Variants in CEP55 observed in about 807,000 individuals in gnomAD.
CEP55 encodes centrosomal protein of 55 kDa.
In CEP55, 57 loss-of-function variants were observed where a neutral mutation model predicts 63.2. The ratio of observed to expected loss-of-function variants is 0.90; its 90% CI spans 0.73 to 1.13. CEP55 has a LOEUF of 1.13. Among genes scored for constraint, CEP55 ranks in the 50% most tolerant of loss-of-function variants. The pLI is 0.00. For missense variants in CEP55, 456 were observed against 518.9 expected (o/e 0.88, Z 1.18); for synonymous variants, 178 against 191.6 (o/e 0.93, Z 0.59).
Position 93,503,199 on chromosome 10 carries a change from A to C in CEP55, c.270A>C (p.Gln90His). 1 of 1,614,056 alleles carries C rather than the reference A, an allele frequency of 6.2e-7. No individual in the cohort carries two copies. The highest frequency in any genetic ancestry group is 8.5e-7 in the Non-Finnish European group (1 of 1,179,910). The change falls in exon 3 of 9, where the codon CAA (glutamine) becomes CAC (histidine). Residue 90 changes from glutamine (Q) to histidine (H), a missense_variant. Coordinates refer to ENST00000371485, the MANE Select transcript of CEP55 (RefSeq NM_018131.5). ...KDKEIQRLRD[Q>H]LKARYSTTTL... The stretch of plus-strand genomic sequence containing the variant: ...AAGAAATACAGCGACTGAGAGACCA[A>C]CTGAAGGCCAGATATAGTACTACCA...
chr10:93,503,184 G>A lies in CEP55; in HGVS notation c.255G>A (p.Gln85=). The change falls in exon 3 of 9, where the codon CAG becomes CAA. Residue 85 remains glutamine, a synonymous_variant. Transcript: ENST00000371485. ...YQLTEKDKEI[Q]RLRDQLKARY... is the part of the protein sequence containing the mutation. Reference sequence around the variant, plus strand: ...TCACAGAGAAGGACAAAGAAATACAGCGACTGAGAGACCAACTGAAGGCCA... The same window carrying A: ...TCACAGAGAAGGACAAAGAAATACAACGACTGAGAGACCAACTGAAGGCCA... 1 of 1,614,090 alleles carries A rather than the reference G, an allele frequency of 6.2e-7. No homozygotes were observed. Among genetic ancestry groups the A allele is most frequent in the Middle Eastern group, 1.6e-4 (1 of 6,062 alleles).
chr10:93,503,814 A>G (rs897458626), intron 3 of CEP55, among the ~76,000 whole-genome samples: 1 of 152,172 alleles, frequency 6.6e-6, no homozygotes, highest in Non-Finnish European at 1.5e-5. Flanking sequence ...TTTGAGAGGC[A>G]CTAGCGTCAT....
intron 6 of CEP55, 123 bp from the exon 7 acceptor site, chr10:93,518,754 C>T (rs1422049930): frequency 3.2e-6 from 2 of 620,468 alleles, no homozygotes; most frequent in South Asian, 2.2e-5. Context: ...AATGATTCAC[C>T]CCTGACTAGC....
rs931866303 is a variant in CEP55, at chr10:93,528,809, A to G, written c.*656A>G. ...AATGTTTTCTCTTATGTTATCTGGC[A>G]GTAACTGTAACTTGAATTACATTAG... On this transcript the variant is annotated 3_prime_UTR_variant, in exon 9 of 9. Transcript: ENST00000371485. 4 of 152,250 alleles carry G rather than the reference A, an allele frequency of 2.6e-5. No homozygotes were observed. The highest frequency in any genetic ancestry group is 9.7e-5 in the African/African-American group (4 of 41,442). 9.4% of individuals were successfully genotyped at this position (152,250 alleles called of 1,614,324 possible). A position where few individuals can be genotyped will look rare whatever the true frequency, so the allele number is the denominator to read the frequency against.
chr10:93,509,437 G>A (rs925404553), intron 4 of CEP55, among the ~76,000 whole-genome samples: 4 of 151,166 alleles, frequency 2.6e-5, no homozygotes, highest in Non-Finnish European at 5.9e-5. Flanking sequence ...TGCTGCTGCT[G>A]GCCCTTGGAC....
At chr10:93,511,002 G>A (rs928234157) in intron 4 of CEP55, among the ~76,000 whole-genome samples, 4 of 146,532 alleles carry the variant, frequency 2.7e-5, no homozygotes, top group Non-Finnish European at 4.5e-5. Flanking sequence ...GCAGTGGCAC[G>A]GTCTCAGCTC....
Position 93,503,162 on chromosome 10 carries a change from C to CT in CEP55, c.233_234insT (p.Glu79ArgfsTer18). 1 of 1,613,966 alleles carries CT rather than the reference C, an allele frequency of 6.2e-7. No individual in the cohort carries two copies. The highest frequency in any genetic ancestry group is 8.5e-7 in the Non-Finnish European group (1 of 1,179,970). On this transcript the variant is annotated frameshift_variant, in exon 3 of 9. Coordinates refer to ENST00000371485, the MANE Select transcript of CEP55 (RefSeq NM_018131.5). LOFTEE classifies it high-confidence loss of function. Reference sequence around the variant, plus strand: ...AAGGAGAAGAATGCTTATCAACTCACAGAGAAGGACAAAGAAATACAGCGA... The same window carrying CT: ...AAGGAGAAGAATGCTTATCAACTCACTAGAGAAGGACAAAGAAATACAGCGA...
chr10:93,514,123 G>C (rs2057778638), intron 4 of CEP55, among the ~76,000 whole-genome samples: 1 of 152,034 alleles, frequency 6.6e-6, no homozygotes, highest in Non-Finnish European at 1.5e-5. Flanking sequence ...AATAGAGACA[G>C]GGTTTTGCCA....
chr10:93,523,796 C>G (rs530887528), intron 8 of CEP55, among the ~76,000 whole-genome samples: 1 of 152,080 alleles, frequency 6.6e-6, no homozygotes, highest in African/African-American at 2.4e-5. Context: ...CACTCAAAAC[C>G]GCTCAACTAC....
intron 4 of CEP55, among the ~76,000 whole-genome samples, chr10:93,508,390 T>C (rs927566408): frequency 1.3e-5 from 2 of 152,204 alleles, no homozygotes; most frequent in Admixed American, 1.3e-4. Context: ...AAGTATCCTT[T>C]GAAGTCTTTT....
chr10:93,507,029 T>C lies in CEP55; in HGVS notation c.501T>C (p.Ile167=), dbSNP rs1238397907. The C allele has an allele frequency of 2.5e-6, 4 of 1,586,096 alleles. No homozygotes were observed. The African/African-American group carries it at 5.4e-5, about 21-fold the overall frequency. Residue 167 remains isoleucine (I), a synonymous_variant, in exon 4 of 9, where the codon ATT becomes ATC. Coordinates refer to ENST00000371485, the MANE Select transcript of CEP55 (RefSeq NM_018131.5). ...GCTTCAACTCATCAATAAATAATAT[T>C]CATGAAATGGAAATACAGCTGAAAG... ...PNCFNSSINN[I]HEMEIQLKDA...
chr10:93,512,225 T>C (rs867389501), intron 4 of CEP55, among the ~76,000 whole-genome samples: 1 of 4,878 alleles, frequency 2.1e-4, no homozygotes, highest in Non-Finnish European at 5.4e-4. Context: ...AGACTCCGTT[T>C]CAAAAAAAAA....
rs1459124986 is a variant in CEP55, at chr10:93,528,837, C to T, written c.*684C>T. ...AACTGTAACTTGAATTACATTAGCA[C>T]ATTCTGCTTAGCTAAAATTGTTAAA... On this transcript the variant is annotated 3_prime_UTR_variant, in exon 9 of 9. Coordinates refer to ENST00000371485, the MANE Select transcript of CEP55 (RefSeq NM_018131.5). 1.3e-5 allele frequency: 2 copies of T among 152,212 alleles called. No homozygotes were observed. Among genetic ancestry groups the T allele is most frequent in the African/African-American group, 4.8e-5 (2 of 41,442 alleles). 9.4% of individuals were successfully genotyped at this position (152,212 alleles called of 1,614,324 possible).
intron 3 of CEP55, 45 bp downstream of exon 3, chr10:93,503,433 TAC>T: frequency 6.5e-7 from 1 of 1,547,062 alleles, no homozygotes; most frequent in Middle Eastern, 1.7e-4. Flanking sequence ...TTCTTTCTGA[TAC>T]AGTTTGTAAT....
chr10:93,526,805 C>G (rs922445381), intron 8 of CEP55, among the ~76,000 whole-genome samples: 11 of 152,066 alleles, frequency 7.2e-5, no homozygotes, highest in African/African-American at 2.4e-4. Flanking sequence ...AAGCTGGAAA[C>G]CATCATTCTC....
At chr10:93,507,579 A>G (rs1015555403) in intron 4 of CEP55, among the ~76,000 whole-genome samples, 9 of 152,116 alleles carry the variant, frequency 5.9e-5, no homozygotes, top group Non-Finnish European at 1.3e-4. Flanking sequence ...AAATACCTCA[A>G]TAACATCCCT....
intron 8 of CEP55, among the ~76,000 whole-genome samples, chr10:93,522,436 G>A (rs539436631): frequency 2.6e-4 from 39 of 152,358 alleles, no homozygotes; most frequent in African/African-American, 8.9e-4. Flanking sequence ...ATGGGACTGT[G>A]TGAAAAGACC....
chr10:93,503,406 A>C lies in CEP55; in HGVS notation c.459+18A>C, dbSNP rs776250208. The C allele has an allele frequency of 1.9e-6, 3 of 1,586,820 alleles. No homozygotes were observed. In the South Asian group the frequency reaches 3.5e-5, roughly 18 times the overall value. ...TATCACAGGTGCTAATCATTTCTTT[A>C]AACCCAGATTTTTTTTTTCTTTCTG... is the stretch of plus-strand genomic sequence containing the variant. On this transcript the variant is annotated intron_variant, in intron 3 of 8. Transcript: ENST00000371485.
intron 8 of CEP55, among the ~76,000 whole-genome samples, chr10:93,523,904 G>A (rs1173518424): frequency 6.6e-6 from 1 of 152,086 alleles, no homozygotes; most frequent in Non-Finnish European, 1.5e-5. Context: ...GAACAAAGAT[G>A]CAACATACCA....
Sources: gnomAD v4.1 joint callset for allele counts (sites outside exome capture counted in the v4.1 genomes callset) on GRCh38, gnomAD v4.1.1 for gene constraint, MANE v1.5 for transcripts, NCBI Gene and HGNC (gene_info 2026-07-23, HGNC 2026-07-21) for gene names.